Variants in LCT observed in about 807,000 individuals in gnomAD.
LCT encodes the protein lactase/phlorizin hydrolase.
LCT carries 90 observed loss-of-function variants against 173.0 expected under a neutral mutation model. That is an observed-to-expected ratio of 0.52 (90% CI 0.44 to 0.62). The LOEUF (loss-of-function observed/expected upper bound fraction) is 0.62. Among genes scored for constraint, LCT ranks in the 20% least tolerant of loss-of-function variants. LCT has a pLI of 0.00. For missense variants in LCT, 1,864 were observed against 2,431.4 expected (o/e 0.77, Z 4.91); for synonymous variants, 853 against 957.6 (o/e 0.89, Z 2.02).
Position 135,812,789 on chromosome 2 carries a change from G to C in LCT, c.1875C>G (p.His625Gln). ...GGTGTGCAAACCAGCCCAGCATGAA[G>C]TGCAAGAAGCGCTCAGAGGCTCTCA... is the stretch of plus-strand genomic sequence containing the variant. ...EDLRASERFLHFMLGWFAHPV... is the reference protein window; with the variant it reads ...EDLRASERFLQFMLGWFAHPV... The change falls in exon 7 of 17, where the codon CAC (histidine) becomes CAG (glutamine). Residue 625 changes from histidine (H) to glutamine (Q), a missense_variant. Physicochemically the swap from His to Gln is conservative, Grantham distance 24. This residue lies in a region of LCT where 755 missense variants were observed against 926.3 expected (regional missense o/e 0.82). Transcript: ENST00000264162. 1 of 1,614,226 alleles carries C rather than the reference G, an allele frequency of 6.2e-7. No homozygotes were observed. Among genetic ancestry groups the C allele is most frequent in the South Asian group, 1.1e-5 (1 of 91,090 alleles).
intron 6 of LCT, among the ~76,000 whole-genome samples, chr2:135,814,931 G>C (rs2077767108): frequency 6.6e-6 from 1 of 152,100 alleles, no homozygotes; most frequent in African/African-American, 2.4e-5. Context: ...TTTGGAGATA[G>C]GGCCTTTGAG....
chr2:135,794,677 T>C lies in LCT; in HGVS notation c.5075A>G (p.Asn1692Ser), dbSNP rs1241034207. The change falls in exon 14 of 17, where the codon AAC becomes AGC. Residue 1692 changes from asparagine to serine, a missense_variant. This residue lies in a region of LCT where 514 missense variants were observed against 750.1 expected (regional missense o/e 0.69). Coordinates refer to ENST00000264162, the MANE Select transcript of LCT (RefSeq NM_002299.4). ...HYTTVLAYNL[N>S]YATAISSFDA... ...AAAAGAAGAGATGGCAGTGGCATAG[T>C]TGAGGTTGTAGGCGAGGACAGTGGT... is the stretch of plus-strand genomic sequence containing the variant. The C allele has an allele frequency of 3.1e-6, 5 of 1,614,152 alleles. No individual in the cohort carries two copies. The highest frequency in any genetic ancestry group is 4.5e-5 in the East Asian group (2 of 44,886).
chr2:135,789,475 G>C, intron 16 of LCT, 96 bp downstream of exon 16: 1 of 822,848 alleles, frequency 1.2e-6, no homozygotes, highest in Non-Finnish European at 2.1e-6. Context: ...GGGCAGCAGA[G>C]AGGAGGGTAA....
intron 2 of LCT, among the ~76,000 whole-genome samples, chr2:135,830,810 A>G (rs116799122): frequency 1.8e-4 from 27 of 152,302 alleles, no homozygotes; most frequent in Admixed American, 1.6e-3. Context: ...TGCACAACAC[A>G]TCGTCACTGA....
At chr2:135,832,072 C>T (rs188811011) in intron 2 of LCT, among the ~76,000 whole-genome samples, 154 of 151,432 alleles carry the variant, frequency 1.0e-3, no homozygotes, top group African/African-American at 3.5e-3. Context: ...CAAAATTAGC[C>T]GGGCGTGGTG....
intron 12 of LCT, among the ~76,000 whole-genome samples, chr2:135,799,743 C>A (rs954856019): frequency 3.3e-5 from 5 of 152,226 alleles, no homozygotes; most frequent in Admixed American, 2.6e-4. Context: ...AGCCACCTTG[C>A]CCAGTCGGCT....
intron 16 of LCT, among the ~76,000 whole-genome samples, chr2:135,788,927 C>T (rs1052326732): frequency 6.6e-6 from 1 of 152,168 alleles, no homozygotes; most frequent in Non-Finnish European, 1.5e-5. Flanking sequence ...AACTTATCCA[C>T]GTGGTGTGAA....
intron 3 of LCT, among the ~76,000 whole-genome samples, chr2:135,828,654 A>G (rs2077907125): frequency 6.6e-6 from 1 of 152,216 alleles, no homozygotes; most frequent in Non-Finnish European, 1.5e-5. Context: ...TTGGGACTCC[A>G]GGGAATGAAG....
chr2:135,833,160 T>G lies in LCT; in HGVS notation c.671A>C (p.Glu224Ala). ...GGKLSVVLRA[E>A]DIPELLLEPP... is the part of the protein sequence containing the mutation. The stretch of plus-strand genomic sequence containing the variant: ...TTCTAGCAGGAGCTCCGGGATATCT[T>G]CAGCTCGCAGGACAACAGAGAGTTT... Residue 224 changes from glutamate to alanine, a missense_variant, in exon 2 of 17, where the codon GAA (glutamate) becomes GCA (alanine). This residue lies in a region of LCT where 412 missense variants were observed against 462.0 expected (regional missense o/e 0.89). Coordinates refer to ENST00000264162, the MANE Select transcript of LCT (RefSeq NM_002299.4). The G allele has an allele frequency of 1.2e-6, 2 of 1,613,980 alleles. No individual in the cohort carries two copies. Among genetic ancestry groups the G allele is most frequent in the East Asian group, 2.2e-5 (1 of 44,842 alleles).
In LCT at chr2:135,804,884, A is replaced by G. The variant is rs17699796; in HGVS notation, c.4347T>C (p.Phe1449=). 7.8e-3 allele frequency: 12,671 copies of G among 1,614,182 alleles called. 79 individuals are homozygous for G. The highest frequency in any genetic ancestry group is 0.017 in the Middle Eastern group (103 of 6,058). ...LQNLGVSHYR[F]SISWSRILPD... ...GGAGGATGCGAGACCAGGAGATGGA[A>G]AAACGGTAGTGGGACACGCCCAGGT... Residue 1449 remains phenylalanine, a synonymous_variant, in exon 10 of 17, where the codon TTT becomes TTC. Transcript: ENST00000264162.
rs528224988 is a variant in LCT at position 135,819,589 on chromosome 2, C to G, written c.987-1528G>C. 2.0e-5 allele frequency among the ~76,000 whole-genome samples: 3 copies of G among 152,192 alleles called. No individual in the cohort carries two copies. In the South Asian group the frequency reaches 6.2e-4, roughly 31 times the overall value. On this transcript the variant is annotated intron_variant, in intron 5 of 16. Transcript: ENST00000264162. ...CCTCTCAAAAAGCGAAGCCTGGGGCCGGGTCACCCAGCAGGAGGCGTCTTC... is the reference window on the plus strand; with the variant it reads ...CCTCTCAAAAAGCGAAGCCTGGGGCGGGGTCACCCAGCAGGAGGCGTCTTC...
rs1485493307 is a variant in LCT at position 135,833,156 on chromosome 2, A to G, written c.675T>C (p.Asp225=). ...GKLSVVLRAE[D]IPELLLEPPI... ...GTGGTTCTAGCAGGAGCTCCGGGAT[A>G]TCTTCAGCTCGCAGGACAACAGAGA... is the stretch of plus-strand genomic sequence containing the variant. Residue 225 remains aspartate (D), a synonymous_variant, in exon 2 of 17, where the codon GAT becomes GAC. Coordinates refer to ENST00000264162, the MANE Select transcript of LCT (RefSeq NM_002299.4). 1 of 1,614,060 alleles carries G rather than the reference A, an allele frequency of 6.2e-7. No individual in the cohort carries two copies. Among genetic ancestry groups the G allele is most frequent in the Admixed American group, 1.7e-5 (1 of 59,996 alleles).
Position 135,809,545 on chromosome 2 carries a change from G to T in LCT, c.2802C>A (p.Asn934Lys), listed in dbSNP as rs769940411. ...ADGKGPSIWD[N>K]FTHTPGSNVK... ...CATTGCTCCCTGGTGTGTGGGTAAA[G>T]TTATCCCAGATGCTGGGGCCTTTGC... Residue 934 changes from asparagine (N) to lysine (K), a missense_variant, in exon 8 of 17, where the codon AAC (asparagine) becomes AAA (lysine). Physicochemically the swap from Asn to Lys is moderately conservative, Grantham distance 94. Around this residue, in one of 4 missense-constraint regions of LCT, gnomAD observed 755 missense variants for 926.3 expected, o/e 0.82. Coordinates refer to ENST00000264162, the MANE Select transcript of LCT (RefSeq NM_002299.4). The surrounding 1 kb of genome is among the most constrained non-coding windows in gnomAD (Gnocchi z 5.5). 2 of 1,614,150 alleles carry T rather than the reference G, an allele frequency of 1.2e-6. No individual in the cohort carries two copies. Among genetic ancestry groups the T allele is most frequent in the Middle Eastern group, 1.6e-4 (1 of 6,084 alleles).
In LCT at chr2:135,788,339, C is replaced by G; in HGVS notation, c.5769G>C (p.Pro1923=). ...TGGTAACTCATCAGAATGAAGACAC[C>G]GGGCTCAATTCCTGTTGGCTTCGTT... ...KTQRSQQELS[P]VSSF The change falls in exon 17 of 17, where the codon CCG becomes CCC. Residue 1923 remains proline (P), a synonymous_variant. Coordinates refer to ENST00000264162, the MANE Select transcript of LCT (RefSeq NM_002299.4). 6.2e-7 allele frequency: 1 copy of G among 1,613,096 alleles called. No individual in the cohort carries two copies. Among genetic ancestry groups the G allele is most frequent in the Non-Finnish European group, 8.5e-7 (1 of 1,179,404 alleles).
intron 11 of LCT, 66 bp from the exon 12 acceptor site, chr2:135,800,875 C>A: frequency 7.8e-7 from 1 of 1,282,124 alleles, no homozygotes; most frequent in Non-Finnish European, 1.1e-6. Flanking sequence ...ATTGTTAGTC[C>A]CTGCCTGCAG....
At chr2:135,793,804 C>T (rs1454584643) in intron 14 of LCT, among the ~76,000 whole-genome samples, 1 of 152,096 alleles carries the variant, frequency 6.6e-6, no homozygotes, top group African/African-American at 2.4e-5. Context: ...CGCAGTGGCT[C>T]ACACCTGTAA....
chr2:135,836,551 G>C lies in LCT; in HGVS notation c.619C>G (p.His207Asp). 1 of 1,614,094 alleles carries C rather than the reference G, an allele frequency of 6.2e-7. No homozygotes were observed. The highest frequency in any genetic ancestry group is 2.2e-5 in the East Asian group (1 of 44,870). The change falls in exon 1 of 17, where the codon CAC becomes GAC. Residue 207 changes from histidine to aspartate, a missense_variant. By Grantham distance (81) the His-to-Asp change is moderately conservative (BLOSUM62 -1). Around this residue, in one of 4 missense-constraint regions of LCT, gnomAD observed 412 missense variants for 462.0 expected, o/e 0.89. Transcript: ENST00000264162. ...DAHRKAYEIY[H>D]ESYAFQGGKL... The stretch of plus-strand genomic sequence containing the variant: ...TCACCCTGAAAAGCATAGCTTTCGT[G>C]GTAAATCTCATAGGCTTTTCTGTGG...
chr2:135,829,282 G>A (rs544527401), intron 3 of LCT, among the ~76,000 whole-genome samples: 2 of 152,116 alleles, frequency 1.3e-5, no homozygotes, highest in African/African-American at 4.8e-5. Flanking sequence ...CCCCATTGAT[G>A]AGTTGCCTTT....
chr2:135,797,617 C>T (rs575169166), intron 13 of LCT, among the ~76,000 whole-genome samples: 75 of 152,322 alleles, frequency 4.9e-4, no homozygotes, highest in African/African-American at 1.6e-3. Flanking sequence ...CCTTCCTTGA[C>T]AAGAAGGGGC....
Sources: gnomAD v4.1 joint callset for allele counts (sites outside exome capture counted in the v4.1 genomes callset) on GRCh38, gnomAD v4.1.1 for gene constraint, gnomAD v4.1.1 regional missense constraint, Gnocchi (gnomAD v3.1) non-coding constraint, MANE v1.5 for transcripts, NCBI Gene and HGNC (gene_info 2026-07-23, HGNC 2026-07-21) for gene names.